Variants in MRC1 observed in about 807,000 individuals in gnomAD.
MRC1 encodes the protein macrophage mannose receptor 1.
Under a neutral mutation model 102.9 loss-of-function variants are expected in MRC1, and 62 were observed. The observed-to-expected ratio is 0.60, with a 90% CI of 0.49 to 0.74. MRC1 has a LOEUF of 0.74. MRC1 is among the 30% of genes least tolerant of loss of function. The probability of loss-of-function intolerance (pLI) is 0.00; values close to 1 mark genes in which losing one functional copy is unlikely to be tolerated. For synonymous variants in MRC1, 457 were observed against 298.4 expected (o/e 1.53, Z -5.48); for missense variants, 1,237 against 862.8 (o/e 1.43, Z -5.43).
At chr10:17,838,646 C>T (rs935042018) in intron 4 of MRC1, among the ~76,000 whole-genome samples, 2 of 152,060 alleles carry the variant, frequency 1.3e-5, no homozygotes, top group Non-Finnish European at 2.9e-5. Flanking sequence ...TGGTATATAA[C>T]CATTTCAGAC....
chr10:17,900,402 A>C (rs1183989177), intron 24 of MRC1, among the ~76,000 whole-genome samples: 1 of 152,118 alleles, frequency 6.6e-6, no homozygotes, highest in Non-Finnish European at 1.5e-5. Context: ...TTTAATGAAA[A>C]TTACTTAATT....
chr10:17,888,909 G>C (rs1190845762), intron 22 of MRC1, among the ~76,000 whole-genome samples: 2 of 151,954 alleles, frequency 1.3e-5, no homozygotes, highest in South Asian at 2.1e-4. Flanking sequence ...TATCTTTGCA[G>C]TTCTATCAGT....
intron 23 of MRC1, among the ~76,000 whole-genome samples, chr10:17,895,654 T>C (rs898410910): frequency 0.19 from 28,448 of 152,154 alleles, 2,862 homozygotes; most frequent in South Asian, 0.26. Context: ...AGATATTTGC[T>C]GTCAATTAAG....
At chr10:17,828,470 C>T (rs954995237) in intron 3 of MRC1, among the ~76,000 whole-genome samples, 17 of 151,394 alleles carry the variant, frequency 1.1e-4, no homozygotes, top group Admixed American at 9.8e-4. Flanking sequence ...GGTAGGCATG[C>T]TATTATTCCC....
intron 1 of MRC1, among the ~76,000 whole-genome samples, chr10:17,811,959 T>C (rs1177245974): frequency 2.6e-5 from 4 of 152,166 alleles, no homozygotes; most frequent in Admixed American, 2.0e-4. Context: ...GCAGGGCACC[T>C]GCTTAGTTAG....
At chr10:17,876,125 G>T (rs1197028130) in intron 17 of MRC1, among the ~76,000 whole-genome samples, 2 of 152,090 alleles carry the variant, frequency 1.3e-5, no homozygotes, top group Non-Finnish European at 2.9e-5. Flanking sequence ...TTCTAATTAT[G>T]TGCTGAATTT....
At chr10:17,879,968 G>C in intron 19 of MRC1, 147 bp downstream of exon 19, 1 of 727,340 alleles carries the variant, frequency 1.4e-6, no homozygotes, top group Non-Finnish European at 2.6e-6. Context: ...CAGCCTAACA[G>C]TTCAACTTGT....
chr10:17,880,745 A>G (rs1833502037), intron 20 of MRC1, 75 bp downstream of exon 20: 7 of 776,916 alleles, frequency 9.0e-6, no homozygotes, highest in Non-Finnish European at 1.4e-5. Flanking sequence ...CTCAAAGTTA[A>G]CTTTTGCTAG....
At chr10:17,904,647 A>T (rs1833872622) in intron 26 of MRC1, among the ~76,000 whole-genome samples, 1 of 152,140 alleles carries the variant, frequency 6.6e-6, no homozygotes, top group Admixed American at 6.5e-5. Context: ...TTTGCAGAGG[A>T]TCTGTCTGTG....
chr10:17,817,002 C>G (rs1390236045), intron 1 of MRC1, among the ~76,000 whole-genome samples: 3 of 151,964 alleles, frequency 2.0e-5, no homozygotes, highest in Non-Finnish European at 2.9e-5. Flanking sequence ...AATCCCAGCA[C>G]TTTGGGAGGC....
At chr10:17,898,514 T>G (rs1833785659) in intron 24 of MRC1, among the ~76,000 whole-genome samples, 1 of 152,244 alleles carries the variant, frequency 6.6e-6, no homozygotes, top group Non-Finnish European at 1.5e-5. Flanking sequence ...TCCTATTGCA[T>G]TAGACTATGA....
intron 26 of MRC1, among the ~76,000 whole-genome samples, chr10:17,902,970 C>T (rs2130720181): frequency 6.6e-6 from 1 of 152,198 alleles, no homozygotes; most frequent in Admixed American, 6.5e-5. Context: ...AAATTTTTTT[C>T]CTATGAAATG....
At chr10:17,844,488 G>A (rs1838796659) in intron 5 of MRC1, among the ~76,000 whole-genome samples, 1 of 152,140 alleles carries the variant, frequency 6.6e-6, no homozygotes, top group African/African-American at 2.4e-5. Context: ...CCAAAGTGCT[G>A]GGATTACAGG....
intron 25 of MRC1, among the ~76,000 whole-genome samples, chr10:17,901,250 T>G (rs1054765861): frequency 6.6e-6 from 1 of 152,228 alleles, no homozygotes; most frequent in Non-Finnish European, 1.5e-5. Flanking sequence ...GACACCATAC[T>G]AGAATTCTAA....
chr10:17,873,633 T>C, intron 15 of MRC1, 151 bp from the exon 16 acceptor site: 1 of 717,122 alleles, frequency 1.4e-6, no homozygotes, highest in South Asian at 1.5e-5. Context: ...CTCCACAACA[T>C]GACGTGCAAA....
intron 22 of MRC1, among the ~76,000 whole-genome samples, chr10:17,886,279 GT>G (rs1833591455): frequency 6.9e-6 from 1 of 145,398 alleles, no homozygotes; most frequent in African/African-American, 2.6e-5. Flanking sequence ...AACTATGGGT[GT>G]TTTCTTCCTT....
In MRC1 at chr10:17,887,251, CGTG is replaced by C. The variant is rs1262598827; in HGVS notation, c.3147+1824_3147+1826del. ...AAAAATACAAAAAAAATTAGCCGGG[CGTG>C]GTGGTGGGCGCCTGTCATCCCAGCT... is the stretch of plus-strand genomic sequence containing the variant. On this transcript the variant is annotated intron_variant, in intron 22 of 29. Coordinates refer to ENST00000569591, the MANE Select transcript of MRC1 (RefSeq NM_002438.4). Among the ~76,000 whole-genome samples the C allele has an allele frequency of 1.8e-3, 273 of 152,132 alleles. 5 individuals are homozygous for C. Among genetic ancestry groups the C allele is most frequent in the Middle Eastern group, 3.4e-3 (1 of 294 alleles).
At chr10:17,830,844 A>AAAC (rs1384558819) in intron 3 of MRC1, among the ~76,000 whole-genome samples, 1 of 150,740 alleles carries the variant, frequency 6.6e-6, no homozygotes, top group South Asian at 2.1e-4. Flanking sequence ...CTAGGTTTAA[A>AAAC]AACAACAACA....
intron 4 of MRC1, among the ~76,000 whole-genome samples, chr10:17,839,849 A>G (rs1233050496): frequency 2.6e-5 from 4 of 151,812 alleles, no homozygotes; most frequent in Non-Finnish European, 5.9e-5. Context: ...ACCTGAGGTC[A>G]GGAGTTTGAG....
Sources: gnomAD v4.1 joint callset for allele counts (sites outside exome capture counted in the v4.1 genomes callset) on GRCh38, gnomAD v4.1.1 for gene constraint, MANE v1.5 for transcripts, NCBI Gene and HGNC (gene_info 2026-07-23, HGNC 2026-07-21) for gene names.